The following TPRG1 variants were observed in gnomAD, a reference collection of about 807,000 sequenced individuals.
The protein encoded by TPRG1 is tumor protein p63-regulated gene 1 protein.
In TPRG1, 29 loss-of-function variants were observed where a neutral mutation model predicts 29.3. That is an observed-to-expected ratio of 0.99 (90% confidence interval 0.74 to 1.35). TPRG1 has a LOEUF of 1.35. TPRG1 is among the 40% of genes most tolerant of loss of function. The pLI is 0.00. For synonymous variants in TPRG1, 130 were observed against 116.8 expected (o/e 1.11, Z -0.73); for missense variants, 327 against 335.0 (o/e 0.98, Z 0.19).
At chr3:189,022,554 G>A (rs1215473789) in intron 3 of TPRG1, among the ~76,000 whole-genome samples, 2 of 149,344 alleles carry the variant, frequency 1.3e-5, no homozygotes, top group Admixed American at 6.7e-5. Flanking sequence ...GGGGGTCAGG[G>A]GTCAGGGACC....
chr3:189,154,505 G>A (rs901923796), intron 5 of TPRG1, among the ~76,000 whole-genome samples: 3 of 151,150 alleles, frequency 2.0e-5, no homozygotes, highest in Non-Finnish European at 2.9e-5. Context: ...GCAATGGTGC[G>A]ATCTCGGCTC....
intron 1 of TPRG1, among the ~76,000 whole-genome samples, chr3:189,205,426 T>C (rs1734175886): frequency 6.6e-6 from 1 of 152,248 alleles, no homozygotes; most frequent in South Asian, 2.1e-4. Context: ...TAATTGTCAA[T>C]AGCACCCTTT....
chr3:189,045,998 A>T (rs1714952014), intron 4 of TPRG1, among the ~76,000 whole-genome samples: 1 of 152,238 alleles, frequency 6.6e-6, no homozygotes, highest in South Asian at 2.1e-4. Flanking sequence ...TGTTACTCAA[A>T]GTCAGGAAAG....
chr3:189,118,499 C>T (rs1721439370), intron 1 of TPRG1, among the ~76,000 whole-genome samples: 1 of 152,144 alleles, frequency 6.6e-6, no homozygotes, highest in South Asian at 2.1e-4. Flanking sequence ...GAAAATGTCT[C>T]CAGGGCTTGT....
rs1414923159 is a variant in TPRG1, at chr3:189,323,617, C to T, written c.*2797C>T. 6.6e-6 allele frequency: 1 copy of T among 152,110 alleles called. No homozygotes were observed. The highest frequency in any genetic ancestry group is 2.1e-4 in the South Asian group (1 of 4,830). 9.4% of individuals were successfully genotyped at this position (152,110 alleles called of 1,614,324 possible). A position where few individuals can be genotyped will look rare whatever the true frequency, so the allele number is the denominator to read the frequency against. ...GTTTTCTCATTTTACACTTGGTGTT[C>T]TTACTTGGGATCTTTGTCCTTAAGC... On this transcript the variant is annotated 3_prime_UTR_variant, in exon 6 of 6. Coordinates refer to ENST00000345063, the MANE Select transcript of TPRG1 (RefSeq NM_198485.4).
intron 4 of TPRG1, among the ~76,000 whole-genome samples, chr3:189,285,882 A>AT (rs955763294): frequency 2.6e-5 from 4 of 151,044 alleles, no homozygotes; most frequent in African/African-American, 4.9e-5. Flanking sequence ...ATGCTAGTTT[A>AT]TTTTTTTTTC....
intron 2 of TPRG1, 125 bp from the exon 3 acceptor site, chr3:189,215,167 C>T: frequency 1.5e-6 from 1 of 659,328 alleles, no homozygotes; most frequent in Non-Finnish European, 2.4e-6. Context: ...GGCATACAGG[C>T]AACTGCATAA....
chr3:189,051,318 A>T (rs767764885), intron 4 of TPRG1, among the ~76,000 whole-genome samples: 5 of 152,082 alleles, frequency 3.3e-5, no homozygotes, highest in Non-Finnish European at 7.4e-5. Flanking sequence ...CAAATCAAGA[A>T]CTCAGCCCCT....
At chr3:189,236,809 C>G (rs1306426128) in intron 3 of TPRG1, among the ~76,000 whole-genome samples, 1 of 151,878 alleles carries the variant, frequency 6.6e-6, no homozygotes. Context: ...TTTTTCTGTC[C>G]TTTGTATCTT....
chr3:189,163,023 G>A (rs1165816241), intron 5 of TPRG1, among the ~76,000 whole-genome samples: 1 of 152,212 alleles, frequency 6.6e-6, no homozygotes, highest in Non-Finnish European at 1.5e-5. Flanking sequence ...TGTAATCCCA[G>A]TACTTTAGGA....
chr3:189,111,412 T>C (rs1720511845), intron 1 of TPRG1, among the ~76,000 whole-genome samples: 1 of 152,088 alleles, frequency 6.6e-6, no homozygotes, highest in South Asian at 2.1e-4. Context: ...CTTATAATGG[T>C]CCAACTTATA....
At chr3:189,303,443 T>C (rs1464443272) in intron 4 of TPRG1, among the ~76,000 whole-genome samples, 1 of 152,178 alleles carries the variant, frequency 6.6e-6, no homozygotes, top group African/African-American at 2.4e-5. Flanking sequence ...ATCCAGTGCC[T>C]TCTTTATTTT....
rs1272710047 is a variant in TPRG1, at chr3:189,323,104, G to A, written c.*2284G>A. The A allele has an allele frequency of 3.3e-5, 5 of 152,098 alleles. No individual in the cohort carries two copies. The highest frequency in any genetic ancestry group is 7.4e-5 in the Non-Finnish European group (5 of 68,008). 9.4% of individuals were successfully genotyped at this position (152,098 alleles called of 1,614,324 possible). On this transcript the variant is annotated 3_prime_UTR_variant, in exon 6 of 6. Coordinates refer to ENST00000345063, the MANE Select transcript of TPRG1 (RefSeq NM_198485.4). ...TTATAGTTATAAATTTTCAATGATG[G>A]AATGGGTTGCTTCTTTAAACAGTGA...
intron 1 of TPRG1, among the ~76,000 whole-genome samples, chr3:189,190,752 G>A (rs1731571696): frequency 6.6e-6 from 1 of 152,122 alleles, no homozygotes; most frequent in Admixed American, 6.6e-5. Context: ...AAGTTGAGAG[G>A]TATGATTACA....
chr3:189,294,268 C>T (rs2109222784), intron 4 of TPRG1, among the ~76,000 whole-genome samples: 2 of 135,062 alleles, frequency 1.5e-5, no homozygotes, highest in South Asian at 4.6e-4. Context: ...ACCATGTCAC[C>T]TCTGCAGTGA....
At chr3:189,219,380 A>G (rs1193046209) in intron 3 of TPRG1, among the ~76,000 whole-genome samples, 3 of 152,184 alleles carry the variant, frequency 2.0e-5, no homozygotes, top group African/African-American at 7.2e-5. Flanking sequence ...GACACCATTA[A>G]GAGAATTCTA....
chr3:189,281,420 T>A lies in TPRG1; in HGVS notation c.480-28966T>A, dbSNP rs1236019941. Among the ~76,000 whole-genome samples, 3 of 152,322 alleles carry A rather than the reference T, an allele frequency of 2.0e-5. 1 individual carries two copies. Among genetic ancestry groups the A allele is most frequent in the Admixed American group, 1.3e-4 (2 of 15,296 alleles). On this transcript the variant is annotated intron_variant, in intron 4 of 5. Coordinates refer to ENST00000345063, the MANE Select transcript of TPRG1 (RefSeq NM_198485.4). ...TACACCTTTAGCCATGTTACTACCC[T>A]GAGAGGAACTACAGTGAAATGTAGA...
At chr3:189,150,877 G>T (rs1276972535) in intron 5 of TPRG1, 2 of 152,212 alleles carry the variant, frequency 1.3e-5, no homozygotes, top group African/African-American at 4.8e-5. Flanking sequence ...AGCCAGGTGG[G>T]ATGATGTTAT....
intron 4 of TPRG1, among the ~76,000 whole-genome samples, chr3:189,062,189 GA>G (rs1410114987): frequency 6.6e-6 from 1 of 152,152 alleles, no homozygotes; most frequent in African/African-American, 2.4e-5. Flanking sequence ...TGCAGGAAGA[GA>G]AAGTCAAATA....
Sources: gnomAD v4.1 joint callset for allele counts (sites outside exome capture counted in the v4.1 genomes callset) on GRCh38, gnomAD v4.1.1 for gene constraint, MANE v1.5 for transcripts, NCBI Gene and HGNC (gene_info 2026-07-23, HGNC 2026-07-21) for gene names.